The following CREB3L2 variants were observed in gnomAD, a reference collection of about 807,000 sequenced individuals.
CREB3L2 encodes cAMP responsive element binding protein 3 like 2, also known as cyclic AMP-responsive element-binding protein 3-like protein 2.
Under a neutral mutation model 57.2 loss-of-function variants are expected in CREB3L2, and 23 were observed. The ratio of observed to expected loss-of-function variants is 0.40; its 90% CI spans 0.29 to 0.57. CREB3L2 has a LOEUF of 0.57. CREB3L2 is among the 20% of genes least tolerant of loss of function. CREB3L2 has a pLI of 0.42. For missense variants in CREB3L2, 628 were observed against 634.7 expected (o/e 0.99, Z 0.11); for synonymous variants, 268 against 265.1 (o/e 1.01, Z -0.11).
chr7:137,948,019 T>C (rs1202255707), intron 1 of CREB3L2, among the ~76,000 whole-genome samples: 1 of 152,164 alleles, frequency 6.6e-6, no homozygotes, highest in Non-Finnish European at 1.5e-5. Flanking sequence ...TCCTGCTCTG[T>C]TTCTGGCTCC....
At chr7:137,926,355 G>A (rs1800457514) in intron 2 of CREB3L2, among the ~76,000 whole-genome samples, 1 of 152,154 alleles carries the variant, frequency 6.6e-6, no homozygotes, top group African/African-American at 2.4e-5. Flanking sequence ...TGATAGACTG[G>A]ATAAAGAAAA....
At chr7:137,931,517 G>A (rs1480362848) in intron 1 of CREB3L2, among the ~76,000 whole-genome samples, 18 of 123,684 alleles carry the variant, frequency 1.5e-4, no homozygotes, top group Non-Finnish European at 2.2e-4. Flanking sequence ...GCGAGACTCC[G>A]TCTCAAAAAA....
intron 2 of CREB3L2, among the ~76,000 whole-genome samples, chr7:137,922,240 T>C (rs570690373): frequency 4.6e-5 from 7 of 151,304 alleles, no homozygotes; most frequent in Non-Finnish European, 8.8e-5. Flanking sequence ...CTCAAAGTCA[T>C]CTTTGGAGAA....
At position 137,877,325 on chromosome 7, in the gene CREB3L2, T is replaced by G. The variant is rs1005720386; in HGVS notation, c.*3151A>C. On this transcript the variant is annotated 3_prime_UTR_variant, in exon 12 of 12. Transcript: ENST00000330387. The stretch of plus-strand genomic sequence containing the variant: ...TAATTTTGCCCATATTGGTGTCAAA[T>G]CTCATCCCCACTCCCTGCCAAAAAA... 4.4e-6 allele frequency: 1 copy of G among 227,478 alleles called. No individual in the cohort carries two copies. Among genetic ancestry groups the G allele is most frequent in the Non-Finnish European group, 8.7e-6 (1 of 114,456 alleles). The allele number at this position is 227,478 out of a possible 1,614,324, so 14.1% of individuals were successfully genotyped here.
chr7:137,900,035 A>G (rs1677499), intron 8 of CREB3L2, among the ~76,000 whole-genome samples: 96,561 of 152,016 alleles, frequency 0.64, 31,134 homozygotes, highest in Admixed American at 0.72. Context: ...TCTAACACTC[A>G]GGGTGACAGG....
chr7:137,923,102 G>A (rs1800372119), intron 2 of CREB3L2, among the ~76,000 whole-genome samples: 3 of 152,190 alleles, frequency 2.0e-5, no homozygotes, highest in Admixed American at 2.0e-4. Flanking sequence ...GGTGGTGATA[G>A]TAGTAGAAAC....
At chr7:137,944,318 G>A (rs1392562518) in intron 1 of CREB3L2, among the ~76,000 whole-genome samples, 2 of 152,158 alleles carry the variant, frequency 1.3e-5, no homozygotes, top group Non-Finnish European at 2.9e-5. Context: ...GTCTGCAAAC[G>A]CACAGTAAAA....
chr7:137,924,592 T>A (rs1461683207), intron 2 of CREB3L2, among the ~76,000 whole-genome samples: 1 of 152,246 alleles, frequency 6.6e-6, no homozygotes, highest in Non-Finnish European at 1.5e-5. Context: ...GCTGGGATGC[T>A]TCTGCGTTTC....
intron 1 of CREB3L2, among the ~76,000 whole-genome samples, chr7:137,962,551 G>C (rs1801341704): frequency 1.3e-5 from 2 of 152,074 alleles, no homozygotes; most frequent in South Asian, 4.2e-4. Flanking sequence ...AGCCATCTGG[G>C]CTGATTGCAC....
chr7:137,894,455 C>G (rs1318435176), intron 8 of CREB3L2, among the ~76,000 whole-genome samples: 1 of 152,170 alleles, frequency 6.6e-6, no homozygotes, highest in African/African-American at 2.4e-5. Flanking sequence ...GTGCACACAC[C>G]AGGCCTGGTT....
chr7:137,908,575 G>A lies in CREB3L2; in HGVS notation c.584-139C>T, dbSNP rs570877691. 8.2e-6 allele frequency: 4 copies of A among 485,130 alleles called. No homozygotes were observed. In the South Asian group the frequency reaches 3.3e-4, roughly 40 times the overall value. The allele number at this position is 485,130 out of a possible 1,614,324, so 30.1% of individuals were successfully genotyped here. A position where few individuals can be genotyped will look rare whatever the true frequency, so the allele number is the denominator to read the frequency against. On this transcript the variant is annotated intron_variant, in intron 4 of 11. Transcript: ENST00000330387. ...TCTCCAAGGTGCAGAGCGTGGATATGGGAGTCCTCCTTTTGTATGAAAAAG... is the reference window on the plus strand; with the variant it reads ...TCTCCAAGGTGCAGAGCGTGGATATAGGAGTCCTCCTTTTGTATGAAAAAG...
At position 137,912,983 on chromosome 7, in the gene CREB3L2, A is replaced by G; in HGVS notation, c.583+8T>C. 10 of 1,613,704 alleles carry G rather than the reference A, an allele frequency of 6.2e-6. No homozygotes were observed. The highest frequency in any genetic ancestry group is 8.5e-6 in the Non-Finnish European group (10 of 1,179,706). ...TAACCCAAAGGGACACAGGGAGGGC[A>G]GACAGACCTTCTTTAGGAGAGAAGT... is the stretch of plus-strand genomic sequence containing the variant. On this transcript the variant is annotated splice_region_variant and intron_variant, in intron 4 of 11. Transcript: ENST00000330387.
Position 138,001,820 on chromosome 7 carries a change from G to C in CREB3L2, c.-115C>G. 1.5e-6 allele frequency: 1 copy of C among 682,988 alleles called. No individual in the cohort carries two copies. Among genetic ancestry groups the C allele is most frequent in the Non-Finnish European group, 2.3e-6 (1 of 437,290 alleles). 42.3% of individuals were successfully genotyped at this position (682,988 alleles called of 1,614,324 possible). A position where few individuals can be genotyped will look rare whatever the true frequency, so the allele number is the denominator to read the frequency against. On this transcript the variant is annotated 5_prime_UTR_variant, in exon 1 of 12. Coordinates refer to ENST00000330387, the MANE Select transcript of CREB3L2 (RefSeq NM_194071.4). This position sits in a 1 kb window ranked among gnomAD's most constrained non-coding sequence, Gnocchi z 4.2. Reference sequence around the variant, plus strand: ...CGTGTGCTTGCGTGTGTGCGCGCGCGTGTCTGTAGTTTTGCACTTGGAAAG... The same window carrying C: ...CGTGTGCTTGCGTGTGTGCGCGCGCCTGTCTGTAGTTTTGCACTTGGAAAG...
chr7:137,921,486 C>T (rs1271761366), intron 2 of CREB3L2, among the ~76,000 whole-genome samples: 1 of 152,126 alleles, frequency 6.6e-6, no homozygotes, highest in Non-Finnish European at 1.5e-5. Context: ...TCAAGATAGG[C>T]AAATCATCAA....
Position 137,959,364 on chromosome 7 carries a change from A to G in CREB3L2, c.103-30998T>C, listed in dbSNP as rs144504948. Among the ~76,000 whole-genome samples the G allele has an allele frequency of 2.2e-3, 341 of 152,326 alleles. 3 individuals carry two copies. Among genetic ancestry groups the G allele is most frequent in the South Asian group, 0.012 (59 of 4,834 alleles). ...GGGTAATGAGTGACCCCCAAGGTCC[A>G]TATTCCCCACCATTCCCTTTCTCTA... On this transcript the variant is annotated intron_variant, in intron 1 of 11. Transcript: ENST00000330387.
At chr7:137,926,670 G>A (rs1289176236) in intron 2 of CREB3L2, among the ~76,000 whole-genome samples, 3 of 152,116 alleles carry the variant, frequency 2.0e-5, no homozygotes, top group Non-Finnish European at 2.9e-5. Flanking sequence ...GCTGCCATAT[G>A]TACAGTGGTA....
chr7:137,912,807 ATAGT>A (rs781482524), intron 4 of CREB3L2, 180 bp downstream of exon 4: 130 of 1,495,866 alleles, frequency 8.7e-5, no homozygotes, highest in Admixed American at 1.4e-4. Flanking sequence ...TGGGAAAATA[ATAGT>A]TAGCTTGCAA....
In CREB3L2 at chr7:137,875,862, A is replaced by C. The variant is rs2117162578; in HGVS notation, c.*4614T>G. On this transcript the variant is annotated 3_prime_UTR_variant, in exon 12 of 12. Coordinates refer to ENST00000330387, the MANE Select transcript of CREB3L2 (RefSeq NM_194071.4). ...ATTATTTCCCTTCCTTCTAGAAACC[A>C]AGGCTAAATAAAACATTCCTGAATT... 4.5e-6 allele frequency: 1 copy of C among 224,516 alleles called. No homozygotes were observed. The highest frequency in any genetic ancestry group is 2.2e-5 in the African/African-American group (1 of 45,014). 13.9% of individuals were successfully genotyped at this position (224,516 alleles called of 1,614,324 possible). A position where few individuals can be genotyped will look rare whatever the true frequency, so the allele number is the denominator to read the frequency against.
chr7:138,000,271 T>C (rs1203387483), intron 1 of CREB3L2, among the ~76,000 whole-genome samples: 3 of 152,210 alleles, frequency 2.0e-5, no homozygotes, highest in African/African-American at 4.8e-5. Flanking sequence ...CAAAAGATAT[T>C]TGAGGAACAA....
Sources: allele counts gnomAD v4.1 joint callset (sites outside exome capture counted in the v4.1 genomes callset), GRCh38; gene constraint gnomAD v4.1.1; non-coding constraint Gnocchi (gnomAD v3.1); transcripts MANE v1.5; gene names NCBI Gene and HGNC (gene_info 2026-07-23, HGNC 2026-07-21).